MDK: variants seen among roughly 807,000 people sequenced by gnomAD.
The protein encoded by MDK is midkine, also known as amphiregulin-associated protein.
MDK carries 17 observed loss-of-function variants against 18.9 expected under a neutral mutation model. That is an observed-to-expected ratio of 0.90 (90% CI 0.62 to 1.35). The LOEUF is 1.35. Ranked by LOEUF, MDK falls within the 40% of genes most tolerant of loss-of-function variation. The pLI, the probability that MDK is intolerant of heterozygous loss-of-function variation, is 0.00. For synonymous variants in MDK, 86 were observed against 74.3 expected (o/e 1.16, Z -0.81); for missense variants, 180 against 186.3 (o/e 0.97, Z 0.20).
At chr11:46,382,790 G>GGGGGGGGGGGGGGC in intron 4 of MDK, 42 bp downstream of exon 4, 38 of 987,024 alleles carry the variant, frequency 3.8e-5, no homozygotes, top group Middle Eastern at 3.2e-4. Context: ...GCGGGGGGCT[G>GGGGGGGGGGGGGGC]CCCCCCCCCC....
At chr11:46,383,363 C>A in intron 4 of MDK, 106 bp from the exon 5 acceptor site, 1 of 840,920 alleles carries the variant, frequency 1.2e-6, no homozygotes, top group Non-Finnish European at 1.9e-6. Flanking sequence ...CACTAGGGGG[C>A]AGAATCTTCT....
At position 46,382,097 on chromosome 11, in the gene MDK, C is replaced by G. The variant is rs758408641; in HGVS notation, c.40C>G (p.Leu14Val). The G allele has an allele frequency of 3.1e-6, 5 of 1,611,116 alleles. No individual in the cohort carries two copies. Among genetic ancestry groups the G allele is most frequent in the Non-Finnish European group, 4.2e-6 (5 of 1,179,230 alleles). ...CTTCCTCCTCCTCACCCTCCTCGCC[C>G]TGCTGGCGCTCACCTCCGCGGTCGC... The part of the protein sequence containing the change: ...RGFLLLTLLA[L>V]LALTSAVAKK... Residue 14 changes from leucine (L) to valine (V), a missense_variant, in exon 2 of 5, where the codon CTG becomes GTG. By Grantham distance (32) the Leu-to-Val change is conservative (BLOSUM62 1). Transcript: ENST00000395566.
At position 46,382,888 on chromosome 11, in the gene MDK, C is replaced by A. The variant is rs373910128; in HGVS notation, c.406+140C>A. On this transcript the variant is annotated intron_variant, in intron 4 of 4. Coordinates refer to ENST00000395566, the MANE Select transcript of MDK (RefSeq NM_002391.6). The stretch of plus-strand genomic sequence containing the variant: ...TCCTGACATCGCCTCACTTGGCTTC[C>A]CTGCCTGGAAAAGTCTGAAGATGGG... 6.0e-6 allele frequency: 6 copies of A among 1,005,378 alleles called. No individual in the cohort carries two copies. In the African/African-American group the frequency reaches 6.6e-5, roughly 11 times the overall value. 62.3% of individuals were successfully genotyped at this position (1,005,378 alleles called of 1,614,324 possible). A position where few individuals can be genotyped will look rare whatever the true frequency, so the allele number is the denominator to read the frequency against.
At chr11:46,381,860 G>A (rs1409424035) in intron 1 of MDK, 102 bp downstream of exon 1, 6 of 576,930 alleles carry the variant, frequency 1.0e-5, no homozygotes, top group African/African-American at 1.9e-5. Context: ...GGCTCGAGGC[G>A]TCCCCCGGGG....
chr11:46,382,867 G>A, intron 4 of MDK, 119 bp downstream of exon 4: 2 of 1,181,294 alleles, frequency 1.7e-6, no homozygotes, highest in Non-Finnish European at 2.4e-6. Flanking sequence ...GTGGCTTCCT[G>A]ACATCGCCTC....
chr11:46,382,790 GCCC>G (rs74916763), intron 4 of MDK, 42 bp downstream of exon 4: 132,703 of 976,066 alleles, frequency 0.14, 1,529 homozygotes, highest in Middle Eastern at 0.17. Flanking sequence ...GCGGGGGGCT[GCCC>G]CCCCCCCCCC....
upstream of MDK, chr11:46,381,044 C>A (rs1220629245): frequency 6.6e-6 from 1 of 152,338 alleles, no homozygotes; most frequent in Non-Finnish European, 1.5e-5. Context: ...CCCCCAGGAC[C>A]CCCACTCGCA....
chr11:46,382,789 T>TGGGGGGGGGGG (rs1945254051), intron 4 of MDK, 41 bp downstream of exon 4: 3 of 399,630 alleles, frequency 7.5e-6, no homozygotes, highest in African/African-American at 6.5e-5. Context: ...CGCGGGGGGC[T>TGGGGGGGGGGG]GCCCCCCCCC....
Position 46,382,134 on chromosome 11 carries a change from G to GTGA in MDK, c.76+4_76+6dup. The GTGA allele has an allele frequency of 1.2e-6, 2 of 1,611,276 alleles. No homozygotes were observed. The highest frequency in any genetic ancestry group is 3.3e-5 in the Admixed American group (2 of 59,770). On this transcript the variant is annotated splice_donor_variant, in intron 2 of 4. Coordinates refer to ENST00000395566, the MANE Select transcript of MDK (RefSeq NM_002391.6). LOFTEE classifies it high-confidence loss of function. Reference sequence around the variant, plus strand: ...ACCTCCGCGGTCGCCAAAAAGAAAGGTGATGGGGGATGATCGAAGGAGGGC... The same window carrying GTGA: ...ACCTCCGCGGTCGCCAAAAAGAAAGGTGATGATGGGGGATGATCGAAGGAGGGC...
rs776856042 is a variant in MDK, at chr11:46,382,284, C to T, written c.77-10C>T. 6.2e-7 allele frequency: 1 copy of T among 1,606,644 alleles called. No homozygotes were observed. The highest frequency in any genetic ancestry group is 1.1e-5 in the South Asian group (1 of 90,458). On this transcript the variant is annotated splice_polypyrimidine_tract_variant and intron_variant, in intron 2 of 4. Transcript: ENST00000395566. ...CCCCAGTCCTGAACTCTGTTCCTCG[C>T]GCGTTGTAGATAAGGTGAAGAAGGG...
chr11:46,383,805 A>C, downstream of MDK: 2 of 442,484 alleles, frequency 4.5e-6, no homozygotes, highest in Non-Finnish European at 8.5e-6. Flanking sequence ...CCCCCAATAA[A>C]AGCTCTTCTT....
chr11:46,382,023 G>C, intron 1 of MDK, 34 bp from the exon 2 acceptor site: 1 of 1,573,046 alleles, frequency 6.4e-7, no homozygotes, highest in South Asian at 1.2e-5. Flanking sequence ...GGAAGGGGAC[G>C]GGCCAGGGAT....
chr11:46,381,996 C>T (rs1945198288), intron 1 of MDK, 61 bp from the exon 2 acceptor site: 1 of 1,517,770 alleles, frequency 6.6e-7, no homozygotes, highest in Middle Eastern at 2.3e-4. Context: ...GAGGGCCCTG[C>T]ACGCGGCCCC....
rs1375594763 is a variant in MDK at position 46,381,732 on chromosome 11, G to A, written c.-28G>A. 10 of 201,490 alleles carry A rather than the reference G, an allele frequency of 5.0e-5. No homozygotes were observed. The highest frequency in any genetic ancestry group is 7.9e-5 in the Non-Finnish European group (8 of 101,404). 12.5% of individuals were successfully genotyped at this position (201,490 alleles called of 1,614,324 possible). ...AGCGGGACGGGCCCGGCGCGGGAGG[G>A]AGCGAAGCAGCGCGGGCAGCGAGCG... On this transcript the variant is annotated 5_prime_UTR_variant, in exon 1 of 5. Transcript: ENST00000395566.
chr11:46,383,746 T>C lies in MDK; in HGVS notation c.*252T>C, dbSNP rs1945294514. 1 of 618,908 alleles carries C rather than the reference T, an allele frequency of 1.6e-6. No homozygotes were observed. The highest frequency in any genetic ancestry group is 3.0e-6 in the Non-Finnish European group (1 of 333,770). 38.3% of individuals were successfully genotyped at this position (618,908 alleles called of 1,614,324 possible). A position where few individuals can be genotyped will look rare whatever the true frequency, so the allele number is the denominator to read the frequency against. On this transcript the variant is annotated 3_prime_UTR_variant, in exon 5 of 5. Transcript: ENST00000395566. The stretch of plus-strand genomic sequence containing the variant: ...GAGTCCCAGAGCCCGCTTTTGTTCT[T>C]CCCCACAATTCCATTACTAAGAAAC...
In MDK at chr11:46,382,081, C is replaced by T. The variant is rs763774438; in HGVS notation, c.24C>T (p.Leu8=). 4.2e-5 allele frequency: 67 copies of T among 1,609,938 alleles called. No homozygotes were observed. The highest frequency in any genetic ancestry group is 5.6e-5 in the Non-Finnish European group (66 of 1,178,842). MQHRGFL[L]LTLLALLALT... The stretch of plus-strand genomic sequence containing the variant: ...GGATGCAGCACCGAGGCTTCCTCCT[C>T]CTCACCCTCCTCGCCCTGCTGGCGC... Residue 8 remains leucine (L), a synonymous_variant, in exon 2 of 5, where the codon CTC becomes CTT. Transcript: ENST00000395566.
chr11:46,382,790 G>GCACC (rs1945255565), intron 4 of MDK, 42 bp downstream of exon 4: 1 of 923,462 alleles, frequency 1.1e-6, no homozygotes, highest in African/African-American at 3.1e-5. Context: ...GCGGGGGGCT[G>GCACC]CCCCCCCCCC....
intron 2 of MDK, 74 bp downstream of exon 2, chr11:46,382,207 G>A (rs564590786): frequency 7.5e-5 from 120 of 1,605,550 alleles, no homozygotes; most frequent in Non-Finnish European, 9.8e-5. Flanking sequence ...GGGCCGCCTG[G>A]GTTCCTAGCC....
In MDK at chr11:46,381,866, C is replaced by T. The variant is rs541685854; in HGVS notation, c.-2+108C>T. On this transcript the variant is annotated intron_variant, in intron 1 of 4. Transcript: ENST00000395566. ...TGCGTCCTGGGCTCGAGGCGTCCCC[C>T]GGGGAGTCGCCTCTTAGCGGTGCGT... 1.0e-5 allele frequency: 6 copies of T among 592,624 alleles called. No homozygotes were observed. The African/African-American group carries it at 1.1e-4, about 11-fold the overall frequency. 36.7% of individuals were successfully genotyped at this position (592,624 alleles called of 1,614,324 possible).
Sources: gnomAD v4.1 joint callset for allele counts on GRCh38, gnomAD v4.1.1 for gene constraint, MANE v1.5 for transcripts, NCBI Gene and HGNC (gene_info 2026-07-23, HGNC 2026-07-21) for gene names.